Variants in EPB41L3 observed in about 807,000 individuals in gnomAD.
EPB41L3 encodes the protein erythrocyte membrane protein band 4.1 like 3, also known as band 4.1-like protein 3.
Under a neutral mutation model 127.1 loss-of-function variants are expected in EPB41L3, and 57 were observed. The ratio of observed to expected loss-of-function variants is 0.45; its 90% CI spans 0.36 to 0.56. The LOEUF (loss-of-function observed/expected upper bound fraction) is 0.56. Ranked by LOEUF, EPB41L3 falls within the 20% of genes least tolerant of loss-of-function variation. The pLI is 0.00. For missense variants in EPB41L3, 1,273 were observed against 1,372.2 expected, an observed-to-expected ratio of 0.93 and a Z score of 1.14; for synonymous variants, 572 against 549.5, an observed-to-expected ratio of 1.04 and a Z score of -0.57.
At chr18:5,496,348 T>C (rs180684309) in intron 1 of EPB41L3, among the ~76,000 whole-genome samples, 146 of 152,374 alleles carry the variant, frequency 9.6e-4, no homozygotes, top group Non-Finnish European at 1.7e-3. Context: ...ACACCAAGAA[T>C]CTTTGGTTGA....
intron 3 of EPB41L3, among the ~76,000 whole-genome samples, chr18:5,581,727 T>C (rs1043218168): frequency 3.3e-5 from 5 of 152,212 alleles, no homozygotes; most frequent in African/African-American, 1.2e-4. Context: ...CCAGGCATGG[T>C]GGCTCACACC....
upstream of EPB41L3, among the ~76,000 whole-genome samples, chr18:5,547,125 C>T (rs1156731739): frequency 2.0e-5 from 3 of 152,152 alleles, no homozygotes; most frequent in Non-Finnish European, 4.4e-5. Context: ...CTCTTCCACA[C>T]AGAAAGGAGA....
chr18:5,407,693 T>G lies in EPB41L3; in HGVS notation c.2157+8A>C. The G allele has an allele frequency of 2.5e-6, 4 of 1,613,868 alleles. No individual in the cohort carries two copies. On this transcript the variant is annotated splice_region_variant and intron_variant, in intron 15 of 22. Transcript: ENST00000341928. ...TTGTTGTTGTTTGTTTTATTTTTAA[T>G]TTTCTACCTGTGCCTTGAGCTCTGC...
chr18:5,566,739 A>G (rs1296663818), intron 3 of EPB41L3, among the ~76,000 whole-genome samples: 1 of 117,628 alleles, frequency 8.5e-6, no homozygotes, highest in African/African-American at 3.6e-5. Flanking sequence ...ATTCTATTCT[A>G]TTCTATTCTA....
intron 3 of EPB41L3, among the ~76,000 whole-genome samples, chr18:5,601,947 AT>A (rs1223131655): frequency 6.6e-6 from 1 of 152,154 alleles, no homozygotes; most frequent in East Asian, 1.9e-4. Flanking sequence ...GACGGAGGTG[AT>A]TTTTTGAAAA....
chr18:5,469,800 G>A (rs947879836), intron 3 of EPB41L3, among the ~76,000 whole-genome samples: 5 of 146,830 alleles, frequency 3.4e-5, no homozygotes, highest in Non-Finnish European at 7.5e-5. Flanking sequence ...TTGAGATGGA[G>A]TCTTGCTCTG....
chr18:5,622,951 ATTT>A (rs10622515), intron 1 of EPB41L3, among the ~76,000 whole-genome samples: 1 of 76,054 alleles, frequency 1.3e-5, no homozygotes, highest in Non-Finnish European at 2.3e-5. Context: ...CATAATGCTG[ATTT>A]TTTTTTTTTT....
intron 1 of EPB41L3, among the ~76,000 whole-genome samples, chr18:5,625,985 T>A (rs988143335): frequency 6.6e-6 from 1 of 152,030 alleles, no homozygotes; most frequent in Non-Finnish European, 1.5e-5. Flanking sequence ...TCCATTCTGA[T>A]CTTCATTTAT....
intron 13 of EPB41L3, 83 bp from the exon 14 acceptor site, chr18:5,410,702 G>T: frequency 1.0e-6 from 1 of 1,003,944 alleles, no homozygotes; most frequent in Non-Finnish European, 1.5e-6. Context: ...CTCTGGCACA[G>T]GTCAGACAGG....
intron 1 of EPB41L3, among the ~76,000 whole-genome samples, chr18:5,533,202 C>T (rs1036030605): frequency 1.8e-4 from 28 of 152,144 alleles, no homozygotes; most frequent in Non-Finnish European, 4.4e-5. Context: ...GGGCTTGCTG[C>T]CTCTTTGCGC....
intron 3 of EPB41L3, among the ~76,000 whole-genome samples, chr18:5,456,690 G>C (rs1478237935): frequency 6.6e-6 from 1 of 152,138 alleles, no homozygotes; most frequent in African/African-American, 2.4e-5. Context: ...GGTATAGTTG[G>C]GTCTACACAT....
At chr18:5,480,541 C>T (rs185803645) in intron 2 of EPB41L3, among the ~76,000 whole-genome samples, 4 of 152,156 alleles carry the variant, frequency 2.6e-5, no homozygotes, top group African/African-American at 9.7e-5. Flanking sequence ...ATGTTCTAAT[C>T]GTTACTATGT....
rs1598436333 is a variant in EPB41L3 at position 5,398,866 on chromosome 18, T to G, written c.2350-723A>C. Reference sequence around the variant, plus strand: ...ACATCCTTCTCCAGCTGTGGAGCCTTCTTGAGGTCATCTTCTTCAGGACTC... The same window carrying G: ...ACATCCTTCTCCAGCTGTGGAGCCTGCTTGAGGTCATCTTCTTCAGGACTC... On this transcript the variant is annotated intron_variant, in intron 16 of 22. Transcript: ENST00000341928. The G allele has an allele frequency of 7.5e-6, 3 of 399,190 alleles. No homozygotes were observed. In the East Asian group the frequency reaches 1.1e-4, roughly 14 times the overall value. 24.7% of individuals were successfully genotyped at this position (399,190 alleles called of 1,614,324 possible).
Position 5,433,989 on chromosome 18 carries a change from C to T in EPB41L3, c.738G>A (p.Gly246=), listed in dbSNP as rs1228132498. Residue 246 remains glycine, a synonymous_variant, in exon 7 of 23, where the codon GGG becomes GGA. Coordinates refer to ENST00000341928, the MANE Select transcript of EPB41L3 (RefSeq NM_012307.5). ...ELGDYDPDEC[G]SDYISEFRFA... is the part of the protein sequence containing the mutation. ...AGCGGAACTCACTAATGTAATCGCTCCCACATTCATCTGGGTCATAGTCTC... is the reference window on the plus strand; with the variant it reads ...AGCGGAACTCACTAATGTAATCGCTTCCACATTCATCTGGGTCATAGTCTC... 2 of 1,614,156 alleles carry T rather than the reference C, an allele frequency of 1.2e-6. No homozygotes were observed.
Position 5,434,078 on chromosome 18 carries a change from T to G in EPB41L3, c.649A>C (p.Arg217=), listed in dbSNP as rs1257815368. Residue 217 remains arginine (R), a synonymous_variant, in exon 7 of 23, where the codon AGG becomes CGG. Coordinates refer to ENST00000341928, the MANE Select transcript of EPB41L3 (RefSeq NM_012307.5). ...AGGGTAACAAAGGAGCAGGGCAGCC[T>G]TCCGGACACGATGTCATCTCGCAAC... ...LQLRDDIVSG[R]LPCSFVTLAL... The G allele has an allele frequency of 6.2e-7, 1 of 1,614,018 alleles. No individual in the cohort carries two copies. The highest frequency in any genetic ancestry group is 8.5e-7 in the Non-Finnish European group (1 of 1,180,042).
chr18:5,557,932 A>G (rs2094064106), intron 3 of EPB41L3, among the ~76,000 whole-genome samples: 1 of 152,264 alleles, frequency 6.6e-6, no homozygotes, highest in Non-Finnish European at 1.5e-5. Context: ...ATTCTTTAGA[A>G]TAGTTTAATG....
At chr18:5,512,306 G>A (rs78743661) in intron 1 of EPB41L3, among the ~76,000 whole-genome samples, 2 of 152,172 alleles carry the variant, frequency 1.3e-5, no homozygotes, top group East Asian at 1.9e-4. Context: ...AGAAGACATA[G>A]AGAATGGGCA....
rs1396248219 is a variant in EPB41L3 at position 5,433,975 on chromosome 18, C to T, written c.752G>A (p.Ser251Asn). 6.2e-7 allele frequency: 1 copy of T among 1,614,178 alleles called. No homozygotes were observed. The highest frequency in any genetic ancestry group is 1.1e-5 in the South Asian group (1 of 91,080). The change falls in exon 7 of 23, where the codon AGT becomes AAT. Residue 251 changes from serine (S) to asparagine (N), a missense_variant. Coordinates refer to ENST00000341928, the MANE Select transcript of EPB41L3 (RefSeq NM_012307.5). ...GTGGTTTGGTGCAAAGCGGAACTCA[C>T]TAATGTAATCGCTCCCACATTCATC... ...DPDECGSDYI[S>N]EFRFAPNHTK...
chr18:5,567,327 G>A (rs775623259), intron 3 of EPB41L3: 6 of 152,202 alleles, frequency 3.9e-5, no homozygotes, highest in African/African-American at 1.2e-4. Context: ...TGCTGACTTC[G>A]AGAAAACAAT....
Sources: gnomAD v4.1 joint callset for allele counts (sites outside exome capture counted in the v4.1 genomes callset) on GRCh38, gnomAD v4.1.1 for gene constraint, MANE v1.5 for transcripts, NCBI Gene and HGNC (gene_info 2026-07-23, HGNC 2026-07-21) for gene names.